The following CCSER1 variants were observed in gnomAD, a reference collection of about 807,000 sequenced individuals.
The protein encoded by CCSER1 is serine-rich coiled-coil domain-containing protein 1.
In CCSER1, 41 loss-of-function variants were observed where a neutral mutation model predicts 82.0. The ratio of observed to expected loss-of-function variants is 0.50; its 90% CI spans 0.39 to 0.65. The LOEUF (loss-of-function observed/expected upper bound fraction) is 0.65. Ranked by LOEUF, CCSER1 falls within the 30% of genes least tolerant of loss-of-function variation. The pLI, the probability that CCSER1 is intolerant of heterozygous loss-of-function variation, is 0.00. For synonymous variants in CCSER1, 414 were observed against 383.9 expected (o/e 1.08, Z -0.92); for missense variants, 1,119 against 1,064.2 (o/e 1.05, Z -0.72).
intron 10 of CCSER1, among the ~76,000 whole-genome samples, chr4:91,308,140 G>T (rs1014130192): frequency 6.6e-6 from 1 of 151,914 alleles, no homozygotes; most frequent in Admixed American, 6.6e-5. Context: ...GCACACATTT[G>T]AAAGTGTAGA....
Position 91,085,576 on chromosome 4 carries a change from G to A in CCSER1, c.2173-374G>A, listed in dbSNP as rs189372595. Among the ~76,000 whole-genome samples, 20 of 152,164 alleles carry A rather than the reference G, an allele frequency of 1.3e-4. No homozygotes were observed. The East Asian group carries it at 3.9e-3, about 29-fold the overall frequency. ...CTTTTATCAATCTGACTTTGTTTGGGCGCTGAGATCTGCTGGTAGGTGAAC... is the reference window on the plus strand; with the variant it reads ...CTTTTATCAATCTGACTTTGTTTGGACGCTGAGATCTGCTGGTAGGTGAAC... On this transcript the variant is annotated intron_variant, in intron 9 of 10. Transcript: ENST00000509176.
At chr4:90,390,460 C>T (rs1750814177) in intron 3 of CCSER1, among the ~76,000 whole-genome samples, 1 of 152,056 alleles carries the variant, frequency 6.6e-6, no homozygotes, top group Admixed American at 6.6e-5. Context: ...GCCAAGTAGT[C>T]CCCAGTGTCT....
chr4:91,039,799 TAC>T lies in CCSER1; in HGVS notation c.2173-46148_2173-46147del, dbSNP rs928396837. 3.8e-3 allele frequency among the ~76,000 whole-genome samples: 574 copies of T among 152,070 alleles called. 4 individuals carry two copies. The highest frequency in any genetic ancestry group is 0.013 in the African/African-American group (549 of 41,512). ...TGTGATATATATACACACACACACA[TAC>T]ACGTAACATATTTGAGCAATTGTAT... On this transcript the variant is annotated intron_variant, in intron 9 of 10. Coordinates refer to ENST00000509176, the MANE Select transcript of CCSER1 (RefSeq NM_001145065.2).
intron 10 of CCSER1, among the ~76,000 whole-genome samples, chr4:91,478,559 A>C (rs1444613737): frequency 6.6e-6 from 1 of 151,994 alleles, no homozygotes; most frequent in Non-Finnish European, 1.5e-5. Flanking sequence ...CAAATGTATT[A>C]AATTCTAGTG....
intron 4 of CCSER1, among the ~76,000 whole-genome samples, chr4:90,413,333 G>A (rs112081421): frequency 0.087 from 13,203 of 152,114 alleles, 1,060 homozygotes; most frequent in African/African-American, 0.22. Context: ...TCCTATGCTC[G>A]TGGATGGGTA....
chr4:90,586,615 A>C (rs1782050008), intron 5 of CCSER1, among the ~76,000 whole-genome samples: 1 of 152,222 alleles, frequency 6.6e-6, no homozygotes, highest in Non-Finnish European at 1.5e-5. Context: ...AGGGCTATGA[A>C]CTATAACATT....
chr4:90,732,027 T>TCTCTCTCTCTCTCTCTCTCTCTC (rs1744828761), intron 7 of CCSER1, among the ~76,000 whole-genome samples: 2 of 131,146 alleles, frequency 1.5e-5, no homozygotes, highest in African/African-American at 6.5e-5. Context: ...CTATTGGGAT[T>TCTCTCTCTCTCTCTCTCTCTCTC]TCTCTCTCTC....
At position 91,157,765 on chromosome 4, in the gene CCSER1, T is replaced by C. The variant is rs1413991149; in HGVS notation, c.2217+71771T>C. ...TACAGCAGCGAATCTGGGAACCCTA[T>C]CCCCCTGGCATATTAATGTTCTCCT... On this transcript the variant is annotated intron_variant, in intron 10 of 10. Transcript: ENST00000509176. Among the ~76,000 whole-genome samples, 3 of 151,956 alleles carry C rather than the reference T, an allele frequency of 2.0e-5. 1 individual carries two copies. Among genetic ancestry groups the C allele is most frequent in the Non-Finnish European group, 4.4e-5 (3 of 67,914 alleles).
intron 8 of CCSER1, among the ~76,000 whole-genome samples, chr4:90,855,703 T>C (rs1361150158): frequency 6.6e-6 from 1 of 152,182 alleles, no homozygotes; most frequent in Non-Finnish European, 1.5e-5. Context: ...TTAATATCTT[T>C]ATGTTCTGGC....
chr4:90,193,314 A>C (rs963890146), intron 1 of CCSER1, among the ~76,000 whole-genome samples: 1 of 152,094 alleles, frequency 6.6e-6, no homozygotes, highest in Non-Finnish European at 1.5e-5. Flanking sequence ...CAATAAATAT[A>C]TAGAGTTGCT....
intron 10 of CCSER1, among the ~76,000 whole-genome samples, chr4:91,454,972 A>C (rs905113425): frequency 6.6e-6 from 1 of 152,076 alleles, no homozygotes; most frequent in African/African-American, 2.4e-5. Flanking sequence ...CATTTGTTTA[A>C]ATTCTAATTT....
At chr4:90,254,366 T>C (rs1246346424) in intron 1 of CCSER1, among the ~76,000 whole-genome samples, 2 of 152,176 alleles carry the variant, frequency 1.3e-5, no homozygotes, top group Non-Finnish European at 2.9e-5. Context: ...AGTAGAATGC[T>C]TGGCAGGGGC....
rs566878857 is a variant in CCSER1 at position 91,165,698 on chromosome 4, G to C, written c.2217+79704G>C. On this transcript the variant is annotated intron_variant, in intron 10 of 10. Coordinates refer to ENST00000509176, the MANE Select transcript of CCSER1 (RefSeq NM_001145065.2). ...AAGTCAATCTCAGACTGCTGCGCTA[G>C]CAGTCAGCAAGGCTCCATGGGCATG... 4.6e-5 allele frequency among the ~76,000 whole-genome samples: 7 copies of C among 152,386 alleles called. No homozygotes were observed. In the South Asian group the frequency reaches 1.4e-3, roughly 32 times the overall value.
intron 7 of CCSER1, chr4:90,781,200 G>T: frequency 1.1e-6 from 1 of 913,602 alleles, no homozygotes. Context: ...CTCGACATGA[G>T]ATTTGAGCAG....
intron 10 of CCSER1, among the ~76,000 whole-genome samples, chr4:91,432,985 C>T (rs1262188461): frequency 6.6e-6 from 1 of 152,046 alleles, no homozygotes; most frequent in African/African-American, 2.4e-5. Flanking sequence ...TCAATACCTC[C>T]CTGCCCAGAG....
At chr4:91,087,876 C>G (rs952223203) in intron 10 of CCSER1, among the ~76,000 whole-genome samples, 5 of 152,036 alleles carry the variant, frequency 3.3e-5, no homozygotes, top group African/African-American at 1.2e-4. Context: ...GACTAAGAGG[C>G]CTAGTATGTT....
At chr4:91,149,396 A>G (rs1729896972) in intron 10 of CCSER1, among the ~76,000 whole-genome samples, 1 of 152,206 alleles carries the variant, frequency 6.6e-6, no homozygotes, top group Non-Finnish European at 1.5e-5. Flanking sequence ...TCAGATGGGT[A>G]GATTGCAAAA....
At chr4:90,477,696 T>A (rs1765305163) in intron 5 of CCSER1, among the ~76,000 whole-genome samples, 2 of 152,092 alleles carry the variant, frequency 1.3e-5, no homozygotes, top group African/African-American at 4.8e-5. Context: ...GTTTTTTTTT[T>A]ATCTTCTATT....
intron 10 of CCSER1, among the ~76,000 whole-genome samples, chr4:91,410,052 T>G (rs2149370212): frequency 6.6e-6 from 1 of 152,324 alleles, no homozygotes; most frequent in East Asian, 1.9e-4. Flanking sequence ...TTAATGTGAC[T>G]GGGAAAAGGA....
Sources: allele counts gnomAD v4.1 joint callset (sites outside exome capture counted in the v4.1 genomes callset), GRCh38; gene constraint gnomAD v4.1.1; transcripts MANE v1.5; gene names NCBI Gene and HGNC (gene_info 2026-07-23, HGNC 2026-07-21).